IST1: variants seen among roughly 807,000 people sequenced by gnomAD.
The protein encoded by IST1 is IST1 factor associated with ESCRT-III.
In IST1, 23 loss-of-function variants were observed where a neutral mutation model predicts 37.0. The ratio of observed to expected loss-of-function variants is 0.62; its 90% confidence interval spans 0.45 to 0.88. The LOEUF (loss-of-function observed/expected upper bound fraction) is 0.88. Ranked by LOEUF, IST1 falls within the 40% of genes least tolerant of loss-of-function variation. The probability of loss-of-function intolerance (pLI) is 0.00; values close to 1 mark genes in which losing one functional copy is unlikely to be tolerated. For synonymous variants in IST1, 180 were observed against 161.7 expected, an observed-to-expected ratio of 1.11 and a Z score of -0.86; for missense variants, 488 against 445.4, an observed-to-expected ratio of 1.10 and a Z score of -0.86.
chr16:71,898,990 C>T (rs532320571), intron 1 of IST1, among the ~76,000 whole-genome samples: 31 of 149,602 alleles, frequency 2.1e-4, no homozygotes, highest in Admixed American at 1.9e-3. Flanking sequence ...AAAAGAAACA[C>T]TCTTGGTAAA....
At chr16:71,923,080 T>A (rs1367653839) in intron 7 of IST1, 1 of 480,336 alleles carries the variant, frequency 2.1e-6, no homozygotes, top group Non-Finnish European at 3.6e-6. Context: ...AGCACTTGAT[T>A]CAATAAAGAA....
chr16:71,910,084 A>G (rs2037317208), intron 1 of IST1, among the ~76,000 whole-genome samples: 1 of 152,176 alleles, frequency 6.6e-6, no homozygotes, highest in African/African-American at 2.4e-5. Context: ...TCCCTTATCC[A>G]TGTTTTCATT....
intron 1 of IST1, among the ~76,000 whole-genome samples, chr16:71,895,955 C>A (rs370939347): frequency 1.3e-5 from 2 of 152,242 alleles, no homozygotes; most frequent in African/African-American, 4.8e-5. Context: ...ACACCCCTAC[C>A]CCGTCTTTTC....
chr16:71,895,066 C>A (rs542158898), upstream of IST1: 31 of 446,630 alleles, frequency 6.9e-5, no homozygotes, highest in East Asian at 1.1e-3. Context: ...GTCAGGGATA[C>A]GCAGGCTTCG....
Position 71,906,256 on chromosome 16 carries a change from G to T in IST1, c.-15-9370G>T, listed in dbSNP as rs181592018. 1.2e-3 allele frequency among the ~76,000 whole-genome samples: 188 copies of T among 151,656 alleles called. 1 individual carries two copies. The highest frequency in any genetic ancestry group is 6.5e-3 in the South Asian group (31 of 4,796). On this transcript the variant is annotated intron_variant, in intron 1 of 9. Transcript: ENST00000378799. ...CTGACCTCGTGATCCACCCACCTCAGCCTCCCAAAGTGCTGGGATTAGAGG... is the reference window on the plus strand; with the variant it reads ...CTGACCTCGTGATCCACCCACCTCATCCTCCCAAAGTGCTGGGATTAGAGG...
At chr16:71,910,985 C>CA (rs753931103) in intron 1 of IST1, among the ~76,000 whole-genome samples, 2 of 151,450 alleles carry the variant, frequency 1.3e-5, no homozygotes, top group East Asian at 1.9e-4. Flanking sequence ...TAAAAACAAA[C>CA]AAAAAAAACA....
At chr16:71,896,816 A>G (rs1402924150) in intron 1 of IST1, among the ~76,000 whole-genome samples, 1 of 152,076 alleles carries the variant, frequency 6.6e-6, no homozygotes, top group South Asian at 2.1e-4. Flanking sequence ...CCCGTTCTCT[A>G]CAAAAATAAA....
intron 4 of IST1, among the ~76,000 whole-genome samples, chr16:71,918,768 T>A (rs892515874): frequency 1.3e-5 from 2 of 152,168 alleles, no homozygotes; most frequent in Non-Finnish European, 2.9e-5. Context: ...AAGGCTTAAA[T>A]ATGTTACAAA....
chr16:71,917,182 G>C (rs779662293), intron 4 of IST1, 48 bp downstream of exon 4: 2 of 1,190,744 alleles, frequency 1.7e-6, no homozygotes, highest in African/African-American at 3.0e-5. Context: ...CATATTGTTA[G>C]AAAGGTTGGT....
intron 9 of IST1, among the ~76,000 whole-genome samples, 199 bp downstream of exon 9, chr16:71,925,016 T>C (rs1047560255): frequency 2.0e-5 from 3 of 151,274 alleles, no homozygotes; most frequent in African/African-American, 7.3e-5. Flanking sequence ...CAGTGATTTT[T>C]TTTTTTTTTT....
intron 9 of IST1, among the ~76,000 whole-genome samples, chr16:71,925,245 C>T (rs1233973112): frequency 2.0e-5 from 3 of 151,700 alleles, no homozygotes; most frequent in Admixed American, 2.0e-4. Flanking sequence ...GATCTCCTGA[C>T]CTTGTGAGAT....
At chr16:71,898,522 G>A (rs904923128) in intron 1 of IST1, among the ~76,000 whole-genome samples, 3 of 151,132 alleles carry the variant, frequency 2.0e-5, no homozygotes, top group African/African-American at 7.3e-5. Flanking sequence ...CCTCTCTACT[G>A]TAAATACAAA....
At chr16:71,917,471 T>A (rs1190554537) in intron 4 of IST1, among the ~76,000 whole-genome samples, 1 of 152,230 alleles carries the variant, frequency 6.6e-6, no homozygotes, top group Non-Finnish European at 1.5e-5. Flanking sequence ...TTGCTTTATT[T>A]ATTAATTCCA....
rs928455555 is a variant in IST1, at chr16:71,902,678, G to T, written c.-16+7089G>T. Among the ~76,000 whole-genome samples, 6 of 152,154 alleles carry T rather than the reference G, an allele frequency of 3.9e-5. No individual in the cohort carries two copies. In the East Asian group the frequency reaches 1.2e-3, roughly 29 times the overall value. ...GATTTGTTTATTTCATTTAATTGTT[G>T]AATTTATAGATATATGTTGGTTATA... On this transcript the variant is annotated intron_variant, in intron 1 of 9. Transcript: ENST00000378799.
intron 7 of IST1, chr16:71,922,935 C>G: frequency 1.8e-6 from 1 of 543,992 alleles, no homozygotes; most frequent in South Asian, 2.2e-5. Flanking sequence ...TCTTTGGGAT[C>G]TGTTATAGTC....
At position 71,929,582 on chromosome 16, in the gene IST1, T is replaced by C. The variant is rs1028015681; in HGVS notation, c.*1769T>C. 29 of 1,551,692 alleles carry C rather than the reference T, an allele frequency of 1.9e-5. No individual in the cohort carries two copies. Among genetic ancestry groups the C allele is most frequent in the Non-Finnish European group, 2.4e-5 (28 of 1,147,024 alleles). ...ACTTCAGTGTCACTGCCCACTGCTGTCGTGGCTGCTTGCTCAGATGAGGTT... is the reference window on the plus strand; with the variant it reads ...ACTTCAGTGTCACTGCCCACTGCTGCCGTGGCTGCTTGCTCAGATGAGGTT... On this transcript the variant is annotated 3_prime_UTR_variant, in exon 10 of 10. Coordinates refer to ENST00000378799, the MANE Select transcript of IST1 (RefSeq NM_001270975.2).
At chr16:71,915,480 TC>T (rs2037447683) in intron 1 of IST1, 145 bp from the exon 2 acceptor site, 2 of 565,274 alleles carry the variant, frequency 3.5e-6, no homozygotes, top group Admixed American at 3.5e-5. Context: ...GCCAAAACAA[TC>T]TGTAAAAAAT....
chr16:71,900,327 CTTTTTTTTT>C (rs201344260), intron 1 of IST1, among the ~76,000 whole-genome samples: 11 of 100,508 alleles, frequency 1.1e-4, no homozygotes, highest in Admixed American at 5.9e-4. Context: ...CTTAGGAAGT[CTTTTTTTTT>C]TTTTTTTTTT....
At chr16:71,903,172 G>A (rs921925686) in intron 1 of IST1, 1 of 152,034 alleles carries the variant, frequency 6.6e-6, no homozygotes, top group African/African-American at 2.4e-5. Context: ...TAGAGAATGG[G>A]GTCTTGCTAC....
Sources: gnomAD v4.1 joint callset for allele counts (sites outside exome capture counted in the v4.1 genomes callset) on GRCh38, gnomAD v4.1.1 for gene constraint, MANE v1.5 for transcripts, NCBI Gene and HGNC (gene_info 2026-07-23, HGNC 2026-07-21) for gene names.